STPG2: variants seen among roughly 807,000 people sequenced by gnomAD.
STPG2 encodes sperm-tail PG-rich repeat-containing protein 2.
Under a neutral mutation model 54.2 loss-of-function variants are expected in STPG2, and 56 were observed. The ratio of observed to expected loss-of-function variants is 1.03; its 90% CI spans 0.83 to 1.29. STPG2 has a LOEUF of 1.29. STPG2 is among the 50% of genes most tolerant of loss of function. STPG2 has a pLI of 0.00. For synonymous variants in STPG2, 200 were observed against 181.8 expected (o/e 1.10, Z -0.81); for missense variants, 596 against 544.9 (o/e 1.09, Z -0.93).
intron 7 of STPG2, among the ~76,000 whole-genome samples, chr4:97,967,495 G>T (rs1185108853): frequency 1.3e-5 from 2 of 152,072 alleles, no homozygotes; most frequent in Non-Finnish European, 2.9e-5. Context: ...ACTCAGCTCT[G>T]CACCAAGCAG....
chr4:97,842,888 C>G (rs1400337344), intron 8 of STPG2, among the ~76,000 whole-genome samples: 1 of 151,810 alleles, frequency 6.6e-6, no homozygotes, highest in African/African-American at 2.4e-5. Context: ...CCTCCTCTTC[C>G]TACTCATCTT....
intron 8 of STPG2, among the ~76,000 whole-genome samples, chr4:97,871,136 C>T (rs1729973488): frequency 6.6e-6 from 1 of 150,420 alleles, no homozygotes; most frequent in African/African-American, 2.4e-5. Context: ...GAAAACACTA[C>T]CTTATAATGT....
At chr4:98,016,682 T>G (rs753500429) in intron 5 of STPG2, among the ~76,000 whole-genome samples, 1 of 152,234 alleles carries the variant, frequency 6.6e-6, no homozygotes, top group African/African-American at 2.4e-5. Flanking sequence ...TTTGTTTACT[T>G]GCCCATCTGT....
chr4:97,895,338 C>A (rs1041006134), intron 8 of STPG2, among the ~76,000 whole-genome samples: 1 of 151,784 alleles, frequency 6.6e-6, no homozygotes, highest in African/African-American at 2.4e-5. Context: ...ACACTGATAT[C>A]ACATAAACTT....
chr4:97,745,865 A>G (rs1164576138), intron 9 of STPG2, among the ~76,000 whole-genome samples: 4 of 151,256 alleles, frequency 2.6e-5, no homozygotes, highest in African/African-American at 4.8e-5. Flanking sequence ...CTCAAATGTC[A>G]TTGCATTTCA....
At chr4:97,853,682 A>G (rs1729240695) in intron 8 of STPG2, among the ~76,000 whole-genome samples, 1 of 152,240 alleles carries the variant, frequency 6.6e-6, no homozygotes, top group African/African-American at 2.4e-5. Flanking sequence ...GATCATCTAA[A>G]AAAATTGTGA....
At chr4:98,081,621 C>T (rs564038638) in intron 5 of STPG2, among the ~76,000 whole-genome samples, 6 of 152,260 alleles carry the variant, frequency 3.9e-5, no homozygotes, top group South Asian at 4.1e-4. Flanking sequence ...AAGTTAAAGA[C>T]GTGGCTAAAC....
At chr4:97,566,319 A>T (rs1403553678) in intron 10 of STPG2, among the ~76,000 whole-genome samples, 1 of 151,974 alleles carries the variant, frequency 6.6e-6, no homozygotes, top group African/African-American at 2.4e-5. Flanking sequence ...GAGTGACCTG[A>T]TTTTCCAGGT....
chr4:97,641,237 C>A (rs970152088), intron 10 of STPG2, among the ~76,000 whole-genome samples: 1 of 151,506 alleles, frequency 6.6e-6, no homozygotes, highest in African/African-American at 2.4e-5. Context: ...AAGGAATATA[C>A]AATGTAACTG....
intron 10 of STPG2, among the ~76,000 whole-genome samples, chr4:97,686,577 G>A (rs1723195107): frequency 6.6e-6 from 1 of 152,070 alleles, no homozygotes. Flanking sequence ...CTGGGAGAAG[G>A]CTGGTATTCT....
chr4:97,648,239 C>T (rs1209818285), intron 10 of STPG2, among the ~76,000 whole-genome samples: 1 of 152,110 alleles, frequency 6.6e-6, no homozygotes, highest in Admixed American at 6.6e-5. Flanking sequence ...AAACATCAGT[C>T]CTATCTAGAT....
Position 98,082,253 on chromosome 4 carries a change from T to C in STPG2, c.612+23700A>G, listed in dbSNP as rs578019045. Reference sequence around the variant, plus strand: ...GCCAGGATACATCTCGGTTTAGTCCTACCCCACTTTATAACCCCTACACAG... The same window carrying C: ...GCCAGGATACATCTCGGTTTAGTCCCACCCCACTTTATAACCCCTACACAG... On this transcript the variant is annotated intron_variant, in intron 5 of 10. Coordinates refer to ENST00000295268, the MANE Select transcript of STPG2 (RefSeq NM_174952.3). Among the ~76,000 whole-genome samples the C allele has an allele frequency of 1.1e-4, 16 of 152,106 alleles. No individual in the cohort carries two copies. In the East Asian group the frequency reaches 3.1e-3, roughly 30 times the overall value.
At chr4:97,648,241 T>C (rs1319075253) in intron 10 of STPG2, among the ~76,000 whole-genome samples, 1 of 152,116 alleles carries the variant, frequency 6.6e-6, no homozygotes, top group African/African-American at 2.4e-5. Context: ...ACATCAGTCC[T>C]ATCTAGATGA....
intron 8 of STPG2, among the ~76,000 whole-genome samples, chr4:97,910,820 T>A (rs1354757937): frequency 6.6e-6 from 1 of 151,418 alleles, no homozygotes; most frequent in Non-Finnish European, 1.5e-5. Flanking sequence ...CAACAAGCAA[T>A]TATAAATTCT....
At chr4:98,016,984 C>A (rs533825907) in intron 5 of STPG2, among the ~76,000 whole-genome samples, 1 of 152,224 alleles carries the variant, frequency 6.6e-6, no homozygotes, top group East Asian at 1.9e-4. Flanking sequence ...GTCAGGTAGG[C>A]TTACTGCTGA....
At chr4:98,072,910 G>A (rs6832568) in intron 5 of STPG2, among the ~76,000 whole-genome samples, 60,230 of 152,064 alleles carry the variant, frequency 0.4, 12,180 homozygotes, top group Middle Eastern at 0.46. Context: ...AGTCGTGCGA[G>A]GTTGAGCAAG....
intron 9 of STPG2, among the ~76,000 whole-genome samples, chr4:97,778,129 G>T (rs1286453426): frequency 6.6e-6 from 1 of 152,138 alleles, no homozygotes; most frequent in Non-Finnish European, 1.5e-5. Context: ...GACTCACCTG[G>T]GAAGCGCAAG....
chr4:97,851,176 T>A (rs1402439904), intron 8 of STPG2, among the ~76,000 whole-genome samples: 3 of 152,180 alleles, frequency 2.0e-5, no homozygotes, highest in African/African-American at 7.2e-5. Flanking sequence ...GTGTTTAATA[T>A]CACCCATCAC....
At chr4:97,963,742 T>C (rs1386914692) in intron 7 of STPG2, among the ~76,000 whole-genome samples, 6 of 151,788 alleles carry the variant, frequency 4.0e-5, no homozygotes, top group Non-Finnish European at 7.4e-5. Flanking sequence ...CACACATATA[T>C]ATTTATTTAT....
Sources: allele counts gnomAD v4.1 joint callset (sites outside exome capture counted in the v4.1 genomes callset), GRCh38; gene constraint gnomAD v4.1.1; transcripts MANE v1.5; gene names NCBI Gene and HGNC (gene_info 2026-07-23, HGNC 2026-07-21).